Variants in ZNF385D observed in about 807,000 individuals in gnomAD.
ZNF385D encodes zinc finger protein 385D, also known as zinc finger protein 659.
Under a neutral mutation model 35.8 loss-of-function variants are expected in ZNF385D, and 15 were observed. The ratio of observed to expected loss-of-function variants is 0.42; its 90% CI spans 0.28 to 0.64. The LOEUF is 0.64. ZNF385D is among the 30% of genes least tolerant of loss of function. ZNF385D has a pLI of 0.23. For synonymous variants in ZNF385D, 212 were observed against 186.8 expected (o/e 1.13, Z -1.10); for missense variants, 474 against 494.6 (o/e 0.96, Z 0.39).
chr3:22,248,594 T>C (rs1699909801), intron 2 of ZNF385D, among the ~76,000 whole-genome samples: 1 of 152,158 alleles, frequency 6.6e-6, no homozygotes, highest in South Asian at 2.1e-4. Context: ...ATTTTGATTC[T>C]GGTTTTGTTA....
At chr3:21,949,538 C>CTTTTCT (rs1267430268) in intron 3 of ZNF385D, among the ~76,000 whole-genome samples, 19,039 of 125,412 alleles carry the variant, frequency 0.15, 1,917 homozygotes, top group South Asian at 0.34. Flanking sequence ...ATTTTCTTTC[C>CTTTTCT]TTCTTTTCTT....
At chr3:21,562,043 T>TC (rs2062968104) in intron 3 of ZNF385D, 1 of 125,042 alleles carries the variant, frequency 8.0e-6, no homozygotes, top group African/African-American at 3.5e-5. Context: ...AAGTGATTAG[T>TC]CCATATCTCC....
intron 3 of ZNF385D, among the ~76,000 whole-genome samples, chr3:22,139,816 A>G (rs923944107): frequency 7.9e-5 from 12 of 152,326 alleles, no homozygotes; most frequent in African/African-American, 2.4e-4. Flanking sequence ...TTGTCAAGCA[A>G]ACAACAAAAC....
chr3:22,099,628 G>A (rs761813340), intron 3 of ZNF385D, among the ~76,000 whole-genome samples: 10 of 152,012 alleles, frequency 6.6e-5, no homozygotes, highest in Non-Finnish European at 1.0e-4. Flanking sequence ...ATAATCCCTT[G>A]TGTGCCCACA....
intron 3 of ZNF385D, among the ~76,000 whole-genome samples, chr3:21,767,275 C>A (rs2070870681): frequency 6.6e-6 from 1 of 152,074 alleles, no homozygotes; most frequent in Admixed American, 6.6e-5. Context: ...CTACAAAATA[C>A]ATTTGTCTTT....
chr3:22,117,340 T>C (rs572723820), intron 3 of ZNF385D, among the ~76,000 whole-genome samples: 8 of 152,142 alleles, frequency 5.3e-5, no homozygotes, highest in African/African-American at 1.7e-4. Flanking sequence ...GCAAAATGGG[T>C]TCTCTGAAAC....
intron 3 of ZNF385D, among the ~76,000 whole-genome samples, chr3:21,995,542 C>G (rs1695409806): frequency 1.3e-5 from 2 of 152,020 alleles, no homozygotes; most frequent in African/African-American, 4.8e-5. Context: ...CCCCAGGTCG[C>G]TGGATGATGT....
intron 3 of ZNF385D, among the ~76,000 whole-genome samples, chr3:21,870,231 T>A (rs1244303588): frequency 6.6e-6 from 1 of 152,220 alleles, no homozygotes; most frequent in East Asian, 1.9e-4. Context: ...GCTTGACTGT[T>A]TTAACCTGTT....
intron 4 of ZNF385D, among the ~76,000 whole-genome samples, chr3:21,453,400 TA>T (rs1390703330): frequency 6.6e-6 from 1 of 151,790 alleles, no homozygotes; most frequent in South Asian, 2.1e-4. Context: ...TTTTCGTGTG[TA>T]AAAAAACACT....
At chr3:22,015,839 G>A (rs1271901886) in intron 3 of ZNF385D, among the ~76,000 whole-genome samples, 1 of 152,066 alleles carries the variant, frequency 6.6e-6, no homozygotes, top group Non-Finnish European at 1.5e-5. Flanking sequence ...CTATGCCAAA[G>A]TTCTAGAGGA....
intron 3 of ZNF385D, among the ~76,000 whole-genome samples, chr3:22,166,796 T>A (rs1706361891): frequency 6.6e-6 from 1 of 152,212 alleles, no homozygotes; most frequent in Non-Finnish European, 1.5e-5. Flanking sequence ...CTAGTTTTGT[T>A]CTATAATGTT....
chr3:21,976,018 A>G (rs539033238), intron 3 of ZNF385D, among the ~76,000 whole-genome samples: 1 of 152,230 alleles, frequency 6.6e-6, no homozygotes, highest in African/African-American at 2.4e-5. Context: ...CCTTCAAAGA[A>G]GAATGGCCCT....
chr3:22,136,135 G>C (rs992419518), intron 3 of ZNF385D, among the ~76,000 whole-genome samples: 2 of 152,206 alleles, frequency 1.3e-5, no homozygotes, highest in African/African-American at 4.8e-5. Context: ...TATAATCCTA[G>C]CACTTTGGGA....
At chr3:21,813,586 G>C (rs1171416499) in intron 3 of ZNF385D, among the ~76,000 whole-genome samples, 2 of 152,110 alleles carry the variant, frequency 1.3e-5, no homozygotes, top group Non-Finnish European at 2.9e-5. Context: ...TTGATCAAGT[G>C]GAAGAAAGGG....
chr3:22,289,996 G>C (rs919252939), intron 2 of ZNF385D, among the ~76,000 whole-genome samples: 10 of 152,238 alleles, frequency 6.6e-5, no homozygotes, highest in African/African-American at 2.4e-4. Flanking sequence ...GAAGCTTTGA[G>C]TTTTAGCCCC....
intron 3 of ZNF385D, among the ~76,000 whole-genome samples, chr3:22,146,505 A>G (rs1704864264): frequency 6.6e-6 from 1 of 152,162 alleles, no homozygotes; most frequent in Non-Finnish European, 1.5e-5. Context: ...CTTAGGTCCT[A>G]TTAAATATTA....
intron 3 of ZNF385D, among the ~76,000 whole-genome samples, chr3:22,107,001 T>C (rs1702248961): frequency 6.8e-6 from 1 of 147,706 alleles, no homozygotes; most frequent in Admixed American, 6.7e-5. Context: ...AACTTATCTA[T>C]TTATGCAAAA....
At chr3:21,495,800 A>G (rs1705794497) in intron 4 of ZNF385D, among the ~76,000 whole-genome samples, 1 of 151,976 alleles carries the variant, frequency 6.6e-6, no homozygotes, top group African/African-American at 2.4e-5. Context: ...ATAAAACACT[A>G]GCTAGACTAA....
chr3:22,123,531 A>G (rs1439271066), intron 3 of ZNF385D, among the ~76,000 whole-genome samples: 1 of 152,102 alleles, frequency 6.6e-6, no homozygotes, highest in East Asian at 1.9e-4. Flanking sequence ...TCCCTCAGCT[A>G]TTCTAAAATG....
Sources: gnomAD v4.1 joint callset for allele counts (sites outside exome capture counted in the v4.1 genomes callset) on GRCh38, gnomAD v4.1.1 for gene constraint, MANE v1.5 for transcripts, NCBI Gene and HGNC (gene_info 2026-07-23, HGNC 2026-07-21) for gene names.